Variants in ZMYM4 observed in about 807,000 individuals in gnomAD.
ZMYM4 encodes zinc finger MYM-type protein 4.
ZMYM4 carries 31 observed loss-of-function variants against 183.2 expected under a neutral mutation model. The ratio of observed to expected loss-of-function variants is 0.17; its 90% CI spans 0.13 to 0.23. ZMYM4 has a LOEUF of 0.23. ZMYM4 is among the 10% of genes least tolerant of loss of function. ZMYM4 has a pLI of 1.00. For missense variants in ZMYM4, 1,273 were observed against 1,840.3 expected (o/e 0.69, Z 5.64); for synonymous variants, 592 against 631.2 (o/e 0.94, Z 0.93).
At chr1:35,411,662 AG>A (rs1238749957) in intron 26 of ZMYM4, among the ~76,000 whole-genome samples, 2 of 152,246 alleles carry the variant, frequency 1.3e-5, no homozygotes, top group African/African-American at 4.8e-5. Context: ...ATATGATTGC[AG>A]TGAATCTATA....
chr1:35,398,946 T>C lies in ZMYM4; in HGVS notation c.3336T>C (p.Tyr1112=). Residue 1112 remains tyrosine (Y), a synonymous_variant, in exon 22 of 30, where the codon TAT becomes TAC. Coordinates refer to ENST00000314607, the MANE Select transcript of ZMYM4 (RefSeq NM_005095.3). ...GCTGGGAGGAAGAGCTGAATCACTA[T>C]GCCTTAAAGTCAAATGCTGTGCAAG... ...PHSWEEELNH[Y]ALKSNAVQEA... 1 of 1,614,152 alleles carries C rather than the reference T, an allele frequency of 6.2e-7. No individual in the cohort carries two copies. Among genetic ancestry groups the C allele is most frequent in the South Asian group, 1.1e-5 (1 of 91,080 alleles).
At chr1:35,370,661 C>T in intron 7 of ZMYM4, 34 bp downstream of exon 7, 2 of 1,474,118 alleles carry the variant, frequency 1.4e-6, no homozygotes, top group East Asian at 2.5e-5. Flanking sequence ...TTTTTTGTTT[C>T]TTTCCTTTCT....
intron 25 of ZMYM4, among the ~76,000 whole-genome samples, chr1:35,405,805 G>C (rs1159947993): frequency 6.7e-6 from 1 of 149,118 alleles, no homozygotes; most frequent in Non-Finnish European, 1.5e-5. Flanking sequence ...GAAAAGCCTT[G>C]CTTCTAATGT....
intron 1 of ZMYM4, among the ~76,000 whole-genome samples, chr1:35,273,972 G>A (rs1639742887): frequency 6.6e-6 from 1 of 152,076 alleles, no homozygotes; most frequent in Admixed American, 6.6e-5. Flanking sequence ...ACAAATGAAA[G>A]CATTGACTTC....
chr1:35,390,115 G>A lies in ZMYM4; in HGVS notation c.2587+17G>A. ...ATAATGCAGGTAAAATTAACCTTAG[G>A]TACTGAATGGAGTCTTTGGTCAATA... On this transcript the variant is annotated intron_variant, in intron 15 of 29. Transcript: ENST00000314607. 6.2e-7 allele frequency: 1 copy of A among 1,609,520 alleles called. No individual in the cohort carries two copies. The highest frequency in any genetic ancestry group is 8.5e-7 in the Non-Finnish European group (1 of 1,177,080).
At chr1:35,376,972 T>A (rs1644348692) in intron 7 of ZMYM4, among the ~76,000 whole-genome samples, 1 of 152,050 alleles carries the variant, frequency 6.6e-6, no homozygotes. Context: ...AGTGGTGCGA[T>A]CTGGGCTCAC....
intron 1 of ZMYM4, among the ~76,000 whole-genome samples, chr1:35,294,256 G>A (rs1485029721): frequency 6.6e-6 from 1 of 151,984 alleles, no homozygotes; most frequent in African/African-American, 2.4e-5. Context: ...TCTTTTCATA[G>A]AATGTGTGAA....
At chr1:35,375,045 T>C (rs1644304904) in intron 7 of ZMYM4, among the ~76,000 whole-genome samples, 1 of 152,328 alleles carries the variant, frequency 6.6e-6, no homozygotes, top group Admixed American at 6.5e-5. Context: ...GTTCTACCTT[T>C]TTATTCACTT....
chr1:35,354,818 C>G (rs1643756947), intron 2 of ZMYM4, among the ~76,000 whole-genome samples: 1 of 142,058 alleles, frequency 7.0e-6, no homozygotes, highest in Non-Finnish European at 1.5e-5. Flanking sequence ...CCTAATTGCT[C>G]TTTATTAGTT....
intron 1 of ZMYM4, among the ~76,000 whole-genome samples, chr1:35,283,989 A>C (rs901241503): frequency 3.4e-5 from 5 of 147,676 alleles, no homozygotes; most frequent in African/African-American, 1.3e-4. Context: ...TTTTTTTTTG[A>C]GACGGAGTCT....
intron 15 of ZMYM4, 28 bp from the exon 16 acceptor site, chr1:35,392,183 GT>G (rs1558154996): frequency 1.2e-6 from 2 of 1,613,766 alleles, no homozygotes; most frequent in Non-Finnish European, 1.7e-6. Flanking sequence ...ATCACGTGAG[GT>G]TTCCTTATTT....
At chr1:35,313,437 G>A (rs548400406) in intron 1 of ZMYM4, among the ~76,000 whole-genome samples, 4 of 134,654 alleles carry the variant, frequency 3.0e-5, no homozygotes, top group East Asian at 4.2e-4. Context: ...AGCCCAAGCT[G>A]CAGTGTAGTA....
At chr1:35,391,371 C>G (rs376662959) in intron 15 of ZMYM4, among the ~76,000 whole-genome samples, 229 of 152,252 alleles carry the variant, frequency 1.5e-3, no homozygotes, top group African/African-American at 5.3e-3. Flanking sequence ...TGCTTACTTA[C>G]CTTGTCAGGA....
chr1:35,407,279 C>G (rs1645020038), intron 25 of ZMYM4, among the ~76,000 whole-genome samples: 1 of 151,912 alleles, frequency 6.6e-6, no homozygotes, highest in South Asian at 2.1e-4. Flanking sequence ...ACTAAAAATA[C>G]AAAATTATCT....
chr1:35,282,219 A>C (rs1029246857), intron 1 of ZMYM4, among the ~76,000 whole-genome samples: 1 of 152,214 alleles, frequency 6.6e-6, no homozygotes, highest in African/African-American at 2.4e-5. Context: ...CAGTATTAGG[A>C]GGTGGGCCCT....
In ZMYM4 at chr1:35,392,304, A is replaced by C; in HGVS notation, c.2680A>C (p.Ser894Arg). ...PVIANVVSLA[S>R]APAAQPTVNS... ...TATAGCCAATGTAGTATCATTGGCAAGTGCCCCTGCTGCTCAGCCTACAGT... is the reference window on the plus strand; with the variant it reads ...TATAGCCAATGTAGTATCATTGGCACGTGCCCCTGCTGCTCAGCCTACAGT... The change falls in exon 16 of 30, where the codon AGT becomes CGT. Residue 894 changes from serine to arginine, a missense_variant. Coordinates refer to ENST00000314607, the MANE Select transcript of ZMYM4 (RefSeq NM_005095.3). The C allele has an allele frequency of 6.2e-7, 1 of 1,614,230 alleles. No individual in the cohort carries two copies. The highest frequency in any genetic ancestry group is 8.5e-7 in the Non-Finnish European group (1 of 1,180,040).
chr1:35,286,787 T>A (rs1228353402), intron 1 of ZMYM4, among the ~76,000 whole-genome samples: 30 of 87,170 alleles, frequency 3.4e-4, no homozygotes, highest in African/African-American at 1.8e-3. Flanking sequence ...TTTTTTTTTT[T>A]TTTTTTTTTT....
intron 1 of ZMYM4, among the ~76,000 whole-genome samples, chr1:35,271,753 AGGT>A (rs1639617963): frequency 6.6e-6 from 1 of 152,200 alleles, no homozygotes; most frequent in Non-Finnish European, 1.5e-5. Flanking sequence ...GGACTTGTAT[AGGT>A]TTCCCCCATT....
intron 9 of ZMYM4, among the ~76,000 whole-genome samples, chr1:35,384,326 A>G (rs1052423762): frequency 1.7e-4 from 26 of 152,226 alleles, no homozygotes; most frequent in Non-Finnish European, 3.1e-4. Flanking sequence ...AAGACATTCC[A>G]GAATTCAGGC....
Sources: gnomAD v4.1 joint callset for allele counts (sites outside exome capture counted in the v4.1 genomes callset) on GRCh38, gnomAD v4.1.1 for gene constraint, MANE v1.5 for transcripts, NCBI Gene and HGNC (gene_info 2026-07-23, HGNC 2026-07-21) for gene names.